The following SPMIP2 variants were observed in gnomAD, a reference collection of about 807,000 sequenced individuals.
SPMIP2 encodes protein SPMIP2.
the SPMIP2 span, among the ~76,000 whole-genome samples, chr4:158,967,489 G>A: frequency 3.9e-5 from 6 of 152,278 alleles, no homozygotes; most frequent in African/African-American, 1.4e-4. Context: ...AACTAAACAC[G>A]CACTCATCTG....
At chr4:158,922,554 G>C in the SPMIP2 span, among the ~76,000 whole-genome samples, 1 of 152,178 alleles carries the variant, frequency 6.6e-6, no homozygotes, top group Non-Finnish European at 1.5e-5. Flanking sequence ...CAGATTGTTA[G>C]ATCATATCAT....
chr4:159,039,979 T>G, the SPMIP2 span, among the ~76,000 whole-genome samples: 1 of 152,234 alleles, frequency 6.6e-6, no homozygotes, highest in East Asian at 1.9e-4. Flanking sequence ...GATATATCTC[T>G]AGATGAACAC....
At chr4:159,055,027 G>A in the SPMIP2 span, among the ~76,000 whole-genome samples, 1 of 151,962 alleles carries the variant, frequency 6.6e-6, no homozygotes, top group Non-Finnish European at 1.5e-5. Context: ...CCTTATCAAG[G>A]CCCCCTGCCT....
the SPMIP2 span, among the ~76,000 whole-genome samples, chr4:158,920,950 G>A: frequency 0.032 from 4,938 of 152,234 alleles, 99 homozygotes; most frequent in Non-Finnish European, 0.045. Context: ...TGGGCATCAC[G>A]GTCCTACCGA....
At chr4:159,008,225 A>G in the SPMIP2 span, among the ~76,000 whole-genome samples, 1 of 152,168 alleles carries the variant, frequency 6.6e-6, no homozygotes, top group African/African-American at 2.4e-5. Flanking sequence ...GTGACTTCAG[A>G]TTTTATCTGT....
the SPMIP2 span, among the ~76,000 whole-genome samples, chr4:158,938,397 C>T: frequency 6.6e-6 from 1 of 152,198 alleles, no homozygotes; most frequent in African/African-American, 2.4e-5. Context: ...GCACCATATG[C>T]TTCGAACCTC....
At chr4:159,076,088 A>T in the SPMIP2 span, among the ~76,000 whole-genome samples, 2 of 149,080 alleles carry the variant, frequency 1.3e-5, no homozygotes, top group Non-Finnish European at 2.9e-5. Flanking sequence ...TGCTTCACAC[A>T]TGTTAATTCT....
chr4:159,029,563 G>A, the SPMIP2 span, among the ~76,000 whole-genome samples: 2 of 152,138 alleles, frequency 1.3e-5, no homozygotes, highest in Non-Finnish European at 2.9e-5. Context: ...TGCAATGTAG[G>A]AAGTAACTTA....
the SPMIP2 span, among the ~76,000 whole-genome samples, chr4:158,899,004 T>G: frequency 6.6e-6 from 1 of 152,234 alleles, no homozygotes; most frequent in Admixed American, 6.5e-5. Flanking sequence ...CTTATTATTT[T>G]GGGATACGTT....
At chr4:158,940,830 G>A in the SPMIP2 span, among the ~76,000 whole-genome samples, 3 of 152,066 alleles carry the variant, frequency 2.0e-5, no homozygotes, top group Non-Finnish European at 4.4e-5. Context: ...TGCCCTTATT[G>A]TTCAAGTTGT....
the SPMIP2 span, chr4:159,026,278 A>AT: frequency 1.8e-6 from 1 of 565,074 alleles, no homozygotes; most frequent in Non-Finnish European, 3.4e-6. Flanking sequence ...AAACCTCACC[A>AT]TAAAAACTCA....
the SPMIP2 span, among the ~76,000 whole-genome samples, chr4:159,017,569 C>G: frequency 6.6e-6 from 1 of 152,038 alleles, no homozygotes; most frequent in Non-Finnish European, 1.5e-5. Flanking sequence ...CCACCTAACA[C>G]GATCTTTTTA....
the SPMIP2 span, chr4:158,907,943 T>C: frequency 6.6e-6 from 1 of 152,218 alleles, no homozygotes; most frequent in African/African-American, 2.4e-5. Flanking sequence ...TCAGTCTGAA[T>C]AGATACCAAT....
chr4:158,911,633 CA>C, the SPMIP2 span, among the ~76,000 whole-genome samples: 1 of 152,216 alleles, frequency 6.6e-6, no homozygotes, highest in Non-Finnish European at 1.5e-5. Context: ...CCTTGCTACT[CA>C]AGGTCCTCAG....
the SPMIP2 span, among the ~76,000 whole-genome samples, chr4:159,063,691 T>A: frequency 6.6e-6 from 1 of 152,174 alleles, no homozygotes; most frequent in East Asian, 1.9e-4. Context: ...AAGGATAATA[T>A]CAAAAGACGG....
chr4:159,073,141 T>G, the SPMIP2 span, among the ~76,000 whole-genome samples: 1 of 152,096 alleles, frequency 6.6e-6, no homozygotes, highest in Non-Finnish European at 1.5e-5. Context: ...GAATACATTT[T>G]CTTTTTCTTT....
the SPMIP2 span, among the ~76,000 whole-genome samples, chr4:159,003,568 T>A: frequency 6.6e-6 from 1 of 152,186 alleles, no homozygotes; most frequent in Non-Finnish European, 1.5e-5. Flanking sequence ...TTGTAGGCTG[T>A]ACAGTACGGC....
chr4:158,982,875 G>T, the SPMIP2 span, among the ~76,000 whole-genome samples: 2 of 152,134 alleles, frequency 1.3e-5, no homozygotes, highest in Non-Finnish European at 2.9e-5. Flanking sequence ...GCTACAGGAG[G>T]AAATTCAAAC....
the SPMIP2 span, among the ~76,000 whole-genome samples, chr4:158,968,621 CT>C: frequency 6.6e-6 from 1 of 152,182 alleles, no homozygotes; most frequent in Non-Finnish European, 1.5e-5. Context: ...GAAATCTTGG[CT>C]CTACTATTTA....
Sources: allele counts gnomAD v4.1 joint callset (sites outside exome capture counted in the v4.1 genomes callset), GRCh38; gene constraint gnomAD v4.1.1; transcripts MANE v1.5; gene names NCBI Gene and HGNC (gene_info 2026-07-23, HGNC 2026-07-21).